SLC4A4: variants seen among roughly 807,000 people sequenced by gnomAD.
SLC4A4 encodes electrogenic sodium bicarbonate cotransporter 1.
A neutral mutation model predicts 111.5 loss-of-function variants in SLC4A4; 27 were observed. The observed-to-expected ratio is 0.24, with a 90% confidence interval of 0.18 to 0.33. The LOEUF (loss-of-function observed/expected upper bound fraction) is 0.33. SLC4A4 is among the 10% of genes least tolerant of loss of function. SLC4A4 has a pLI of 1.00. For synonymous variants in SLC4A4, 443 were observed against 463.4 expected (o/e 0.96, Z 0.57); for missense variants, 909 against 1,315.5 (o/e 0.69, Z 4.78).
At chr4:71,369,869 G>A (rs1429404048) in intron 6 of SLC4A4, among the ~76,000 whole-genome samples, 2 of 152,052 alleles carry the variant, frequency 1.3e-5, no homozygotes, top group African/African-American at 4.8e-5. Flanking sequence ...TCTAATGAAG[G>A]AGACAGGACA....
chr4:71,203,879 C>A (rs1231957224), intron 1 of SLC4A4, among the ~76,000 whole-genome samples: 4 of 151,860 alleles, frequency 2.6e-5, no homozygotes, highest in Admixed American at 2.0e-4. Context: ...AGATTTTAAT[C>A]ACTCACAAAG....
chr4:71,127,625 G>A (rs1367658211), intron 2 of SLC4A4, among the ~76,000 whole-genome samples: 1 of 151,706 alleles, frequency 6.6e-6, no homozygotes, highest in Admixed American at 6.6e-5. Context: ...ATGACCAAAA[G>A]GACTTTGTAC....
At chr4:71,434,041 A>G (rs1388660715) in intron 7 of SLC4A4, among the ~76,000 whole-genome samples, 1 of 152,080 alleles carries the variant, frequency 6.6e-6, no homozygotes, top group Non-Finnish European at 1.5e-5. Context: ...GAGAAACAAT[A>G]CTATATCATG....
intron 1 of SLC4A4, chr4:71,235,963 G>A (rs1719770119): frequency 1.1e-6 from 1 of 886,672 alleles, no homozygotes; most frequent in African/African-American, 1.8e-5. Context: ...TCAGATGTCA[G>A]ATTTCCGTAA....
At chr4:71,541,131 A>G (rs1735016814) in intron 18 of SLC4A4, among the ~76,000 whole-genome samples, 1 of 152,136 alleles carries the variant, frequency 6.6e-6, no homozygotes, top group Admixed American at 6.6e-5. Flanking sequence ...TTGGGAGTGG[A>G]GATGAGAGCA....
intron 3 of SLC4A4, among the ~76,000 whole-genome samples, chr4:71,267,901 A>G (rs1722407060): frequency 6.6e-6 from 1 of 151,832 alleles, no homozygotes; most frequent in African/African-American, 2.4e-5. Context: ...TAAGGCATAC[A>G]GTAAGTTGAA....
intron 6 of SLC4A4, among the ~76,000 whole-genome samples, chr4:71,366,315 T>TTGTCTGTGTGTG (rs1731305156): frequency 7.3e-6 from 1 of 137,914 alleles, no homozygotes; most frequent in Non-Finnish European, 1.6e-5. Flanking sequence ...TCTGGAGATA[T>TTGTCTGTGTGTG]TGTGTGTGTG....
intron 2 of SLC4A4, among the ~76,000 whole-genome samples, chr4:71,140,007 G>A (rs544296228): frequency 1.3e-5 from 2 of 152,244 alleles, no homozygotes; most frequent in East Asian, 1.9e-4. Flanking sequence ...CTCTGCTTCT[G>A]TTTGGGATGG....
chr4:71,204,360 A>G (rs1717615321), intron 1 of SLC4A4, among the ~76,000 whole-genome samples: 1 of 152,198 alleles, frequency 6.6e-6, no homozygotes, highest in Non-Finnish European at 1.5e-5. Flanking sequence ...GAGTCTGGAA[A>G]TGTTGATTTT....
intron 2 of SLC4A4, among the ~76,000 whole-genome samples, chr4:71,105,195 C>T (rs1286723851): frequency 2.0e-5 from 3 of 148,804 alleles, no homozygotes; most frequent in Non-Finnish European, 4.4e-5. Context: ...AATAAAATAC[C>T]TAGGAATCCA....
intron 2 of SLC4A4, among the ~76,000 whole-genome samples, chr4:71,115,186 T>G (rs1400748212): frequency 2.0e-5 from 2 of 102,028 alleles, no homozygotes; most frequent in African/African-American, 3.8e-5. Flanking sequence ...GGGACTGTTG[T>G]GGGGTGGGGG....
intron 3 of SLC4A4, among the ~76,000 whole-genome samples, chr4:71,292,690 A>G (rs1724444876): frequency 6.6e-6 from 1 of 152,174 alleles, no homozygotes; most frequent in South Asian, 2.1e-4. Flanking sequence ...GCTGCTATAC[A>G]ATATAGGATG....
At chr4:71,508,301 G>A (rs1244803181) in intron 16 of SLC4A4, among the ~76,000 whole-genome samples, 2 of 151,962 alleles carry the variant, frequency 1.3e-5, no homozygotes, top group Non-Finnish European at 2.9e-5. Flanking sequence ...CCAGGAGCTG[G>A]TTTTTTGAAA....
At chr4:71,479,619 G>A (rs4484264) in intron 14 of SLC4A4, among the ~76,000 whole-genome samples, 22,040 of 151,644 alleles carry the variant, frequency 0.15, 1,936 homozygotes, top group South Asian at 0.31. Flanking sequence ...TTTATTGTGT[G>A]CCATTCCCTC....
At chr4:71,284,614 C>A (rs1027390935) in intron 3 of SLC4A4, among the ~76,000 whole-genome samples, 2 of 152,152 alleles carry the variant, frequency 1.3e-5, no homozygotes, top group Non-Finnish European at 2.9e-5. Context: ...TCCTTCAAGT[C>A]ATTGCTAATA....
At chr4:71,288,437 C>A (rs1371508149) in intron 3 of SLC4A4, among the ~76,000 whole-genome samples, 1 of 151,780 alleles carries the variant, frequency 6.6e-6, no homozygotes, top group Non-Finnish European at 1.5e-5. Flanking sequence ...TTCACACTGC[C>A]GCCCAGCCTG....
chr4:71,330,285 CT>C (rs1727862170), intron 3 of SLC4A4, among the ~76,000 whole-genome samples: 1 of 151,888 alleles, frequency 6.6e-6, no homozygotes, highest in African/African-American at 2.4e-5. Flanking sequence ...TCTGATTTGC[CT>C]TTGGTTTTGG....
chr4:71,266,933 G>T lies in SLC4A4; in HGVS notation c.253+11534G>T, dbSNP rs554782423. Among the ~76,000 whole-genome samples, 8 of 152,306 alleles carry T rather than the reference G, an allele frequency of 5.3e-5. No individual in the cohort carries two copies. In the South Asian group the frequency reaches 1.5e-3, roughly 28 times the overall value. On this transcript the variant is annotated intron_variant, in intron 3 of 25. Transcript: ENST00000264485. ...AAATTTCATGAAAACTGACATTTTG[G>T]TGGGGGAAATAACACAAATCAGATA...
Position 71,451,303 on chromosome 4 carries a change from T to C in SLC4A4, c.1322+2T>C. ...TGAAGAATTGCAGCGAACTGGACGG[T>C]AACTGACAGTTTCCTTTGCCATTCA... is the stretch of plus-strand genomic sequence containing the variant. On this transcript the variant is annotated splice_donor_variant, in intron 11 of 25. Transcript: ENST00000264485. LOFTEE classifies it high-confidence loss of function. 1 of 1,569,992 alleles carries C rather than the reference T, an allele frequency of 6.4e-7. No homozygotes were observed. Among genetic ancestry groups the C allele is most frequent in the Non-Finnish European group, 8.8e-7 (1 of 1,139,754 alleles).
Sources: gnomAD v4.1 joint callset for allele counts (sites outside exome capture counted in the v4.1 genomes callset) on GRCh38, gnomAD v4.1.1 for gene constraint, MANE v1.5 for transcripts, NCBI Gene and HGNC (gene_info 2026-07-23, HGNC 2026-07-21) for gene names.